The following STAT5B variants were observed in gnomAD, a reference collection of about 807,000 sequenced individuals.
STAT5B encodes transcription factor STAT5B.
A neutral mutation model predicts 107.8 loss-of-function variants in STAT5B; 21 were observed. That is an observed-to-expected ratio of 0.19 (90% CI 0.14 to 0.28). The LOEUF is 0.28. Among genes scored for constraint, STAT5B ranks in the 10% least tolerant of loss-of-function variants. STAT5B has a pLI of 1.00. For missense variants in STAT5B, 565 were observed against 1,008.2 expected, an observed-to-expected ratio of 0.56 and a Z score of 5.95; for synonymous variants, 325 against 401.7, an observed-to-expected ratio of 0.81 and a Z score of 2.28.
chr17:42,255,174 T>C (rs547167791), intron 1 of STAT5B, among the ~76,000 whole-genome samples: 1 of 152,318 alleles, frequency 6.6e-6, no homozygotes, highest in Admixed American at 6.5e-5. Flanking sequence ...GTGGAGAGTA[T>C]GTCTCATTGT....
chr17:42,269,024 A>G (rs1038051278), intron 1 of STAT5B, among the ~76,000 whole-genome samples: 1 of 152,080 alleles, frequency 6.6e-6, no homozygotes, highest in Admixed American at 6.6e-5. Flanking sequence ...TTAAAATCCC[A>G]CTCCTTCAAA....
intron 1 of STAT5B, among the ~76,000 whole-genome samples, chr17:42,247,598 T>A (rs1180492880): frequency 6.6e-6 from 1 of 152,108 alleles, no homozygotes; most frequent in Non-Finnish European, 1.5e-5. Flanking sequence ...TACCTGTGTT[T>A]AAGTAAAACA....
At chr17:42,217,022 G>T in intron 11 of STAT5B, 138 bp downstream of exon 11, 1 of 1,444,244 alleles carries the variant, frequency 6.9e-7, no homozygotes, top group Non-Finnish European at 9.4e-7. Context: ...AGTTCTCAGG[G>T]TGAGGTCAGT....
At chr17:42,264,074 C>G (rs1321978216) in intron 1 of STAT5B, among the ~76,000 whole-genome samples, 1 of 151,904 alleles carries the variant, frequency 6.6e-6, no homozygotes, top group African/African-American at 2.4e-5. Context: ...AATAGCTGGA[C>G]AGTATTCTAT....
intron 1 of STAT5B, among the ~76,000 whole-genome samples, chr17:42,249,268 CTG>C (rs2080478206): frequency 6.6e-6 from 1 of 152,136 alleles, no homozygotes; most frequent in Admixed American, 6.6e-5. Context: ...TGGCGCGTGA[CTG>C]TAATCCCAGC....
At chr17:42,280,283 C>G (rs1029617990), upstream of STAT5B, among the ~76,000 whole-genome samples, 1 of 152,026 alleles carries the variant, frequency 6.6e-6, no homozygotes, top group Non-Finnish European at 1.5e-5. Flanking sequence ...GGGTCTAGTC[C>G]ACAGCCCTTG....
At chr17:42,264,568 T>C (rs1163280381) in intron 1 of STAT5B, among the ~76,000 whole-genome samples, 4 of 152,094 alleles carry the variant, frequency 2.6e-5, no homozygotes, top group African/African-American at 9.7e-5. Flanking sequence ...TAGTATTCCA[T>C]GGTGTGTATG....
Position 42,201,847 on chromosome 17 carries a change from T to C in STAT5B, c.2255A>G (p.Asp752Gly). Reference protein sequence around the residue: ...MYPQNPDSVLDTDGDFDLEDT... With the variant: ...MYPQNPDSVLGTDGDFDLEDT... The stretch of plus-strand genomic sequence containing the variant: ...CTCCAGATCGAAGTCCCCATCGGTG[T>C]CAAGGACTGAGTCAGGGCTTGGGAG... Residue 752 changes from aspartate to glycine, a missense_variant, in exon 19 of 19, where the codon GAC becomes GGC. By Grantham distance (94) the Asp-to-Gly change is moderately conservative. Around this residue, in one of 11 missense-constraint regions of STAT5B, gnomAD observed 76 missense variants for 110.2 expected, o/e 0.69. Transcript: ENST00000293328. 1.2e-6 allele frequency: 2 copies of C among 1,613,860 alleles called. No individual in the cohort carries two copies. Among genetic ancestry groups the C allele is most frequent in the South Asian group, 2.2e-5 (2 of 91,020 alleles).
In STAT5B at chr17:42,199,470, G is replaced by A. The variant is rs185708008; in HGVS notation, c.*2268C>T. ...GAAAAAACCTGCACATCTCACACAC[G>A]GAGCTGAAACTTTTGAGGACTTGTG... On this transcript the variant is annotated 3_prime_UTR_variant, in exon 19 of 19. Coordinates refer to ENST00000293328, the MANE Select transcript of STAT5B (RefSeq NM_012448.4). The A allele has an allele frequency of 1.3e-5, 2 of 152,206 alleles. No individual in the cohort carries two copies. Among genetic ancestry groups the A allele is most frequent in the African/African-American group, 2.4e-5 (1 of 41,404 alleles). 9.4% of individuals were successfully genotyped at this position (152,206 alleles called of 1,614,324 possible).
Position 42,219,837 on chromosome 17 carries a change from A to C in STAT5B, c.556T>G (p.Phe186Val). 1 of 1,614,188 alleles carries C rather than the reference A, an allele frequency of 6.2e-7. No individual in the cohort carries two copies. The highest frequency in any genetic ancestry group is 8.5e-7 in the Non-Finnish European group (1 of 1,180,016). ...YQESLRIQAQ[F>V]GPLAQLSPQE... Reference sequence around the variant, plus strand: ...GGGCTCAGCTGGGCCAGCGGGCCAAACTGAGCTAGAGGAGGGGAGAGGAAA... The same window carrying C: ...GGGCTCAGCTGGGCCAGCGGGCCAACCTGAGCTAGAGGAGGGGAGAGGAAA... Residue 186 changes from phenylalanine to valine, a missense_variant, in exon 6 of 19, where the codon TTT (phenylalanine) becomes GTT (valine). Coordinates refer to ENST00000293328, the MANE Select transcript of STAT5B (RefSeq NM_012448.4).
At chr17:42,218,556 G>A (rs979813324) in intron 8 of STAT5B, among the ~76,000 whole-genome samples, 167 bp downstream of exon 8, 6 of 152,210 alleles carry the variant, frequency 3.9e-5, no homozygotes, top group Non-Finnish European at 7.4e-5. Context: ...GGCATCTCTT[G>A]CAGTGTCCAC....
At chr17:42,249,714 G>C (rs141197000) in intron 1 of STAT5B, among the ~76,000 whole-genome samples, 1 of 152,190 alleles carries the variant, frequency 6.6e-6, no homozygotes, top group African/African-American at 2.4e-5. Flanking sequence ...ATGCTGGAGT[G>C]CAGTGGCGTG....
chr17:42,238,594 C>T (rs1017789863), intron 1 of STAT5B, among the ~76,000 whole-genome samples: 89 of 151,582 alleles, frequency 5.9e-4, no homozygotes, highest in Admixed American at 1.7e-3. Flanking sequence ...GCTGGGATTA[C>T]AGCTGCCCGC....
rs182114118 is a variant in STAT5B, at chr17:42,269,968, G to A, written c.-11+6280C>T. On this transcript the variant is annotated intron_variant, in intron 1 of 18. Transcript: ENST00000293328. ...CTTATGCCTGTAATCCCAGCACTTCGGAAGGCCAAGGCAGGAGGATCACCT... is the reference window on the plus strand; with the variant it reads ...CTTATGCCTGTAATCCCAGCACTTCAGAAGGCCAAGGCAGGAGGATCACCT... Among the ~76,000 whole-genome samples the A allele has an allele frequency of 4.5e-4, 69 of 152,068 alleles. 2 individuals are homozygous for A. The highest frequency in any genetic ancestry group is 3.5e-3 in the Admixed American group (53 of 15,286).
At chr17:42,232,371 C>T (rs945924265) in intron 1 of STAT5B, among the ~76,000 whole-genome samples, 1 of 152,040 alleles carries the variant, frequency 6.6e-6, no homozygotes, top group African/African-American at 2.4e-5. Flanking sequence ...GTCTCAGCCT[C>T]CTGAGTAGCT....
chr17:42,253,683 G>T (rs1020346390), intron 1 of STAT5B, among the ~76,000 whole-genome samples: 5 of 152,214 alleles, frequency 3.3e-5, no homozygotes, highest in South Asian at 4.1e-4. Context: ...GGATGATGAT[G>T]ATTATTTTTA....
intron 12 of STAT5B, among the ~76,000 whole-genome samples, chr17:42,213,885 T>C (rs1308260959): frequency 6.9e-6 from 1 of 145,926 alleles, no homozygotes; most frequent in Non-Finnish European, 1.5e-5. Flanking sequence ...CTCATGCCTA[T>C]AATCCCAGCA....
chr17:42,216,023 A>G lies in STAT5B; in HGVS notation c.1464T>C (p.Phe488=), dbSNP rs1422420302. 6.2e-7 allele frequency: 1 copy of G among 1,614,082 alleles called. No individual in the cohort carries two copies. Among genetic ancestry groups the G allele is most frequent in the East Asian group, 2.2e-5 (1 of 44,888 alleles). The part of the protein sequence containing the change: ...ATATVLWDNA[F]AEPGRVPFAV... ...CGAGGAATACACTCACAGGCTCTGC[A>G]AAAGCATTGTCCCAGAGAACAGTGG... Residue 488 remains phenylalanine (F), a synonymous_variant, in exon 12 of 19, where the codon TTT becomes TTC. Transcript: ENST00000293328.
At chr17:42,211,336 C>G (rs1400174208) in intron 13 of STAT5B, among the ~76,000 whole-genome samples, 1 of 151,986 alleles carries the variant, frequency 6.6e-6, no homozygotes, top group Non-Finnish European at 1.5e-5. Context: ...GGAGAAACCC[C>G]GTCTCCACTA....
Sources: allele counts gnomAD v4.1 joint callset (sites outside exome capture counted in the v4.1 genomes callset), GRCh38; gene constraint gnomAD v4.1.1; regional missense constraint gnomAD v4.1.1; transcripts MANE v1.5; gene names NCBI Gene and HGNC (gene_info 2026-07-23, HGNC 2026-07-21).